The following ZNF664 variants were observed in gnomAD, a reference collection of about 807,000 sequenced individuals.
ZNF664 encodes zinc finger Organ of Corti 1.
In ZNF664, 10 loss-of-function variants were observed where a neutral mutation model predicts 18.2. The ratio of observed to expected loss-of-function variants is 0.55; its 90% confidence interval spans 0.34 to 0.93. ZNF664 has a LOEUF of 0.93. ZNF664 is among the 40% of genes least tolerant of loss of function. The probability of loss-of-function intolerance (pLI) is 0.02; values close to 1 mark genes in which losing one functional copy is unlikely to be tolerated. For synonymous variants in ZNF664, 119 were observed against 104.2 expected (o/e 1.14, Z -0.86); for missense variants, 193 against 319.0 (o/e 0.61, Z 3.01).
intron 3 of ZNF664, among the ~76,000 whole-genome samples, chr12:123,990,636 T>C (rs1227443128): frequency 6.6e-6 from 1 of 152,184 alleles, no homozygotes; most frequent in Non-Finnish European, 1.5e-5. Context: ...GCACTAGAGC[T>C]AACCTGAACT....
rs1957139211 is a variant in ZNF664, at chr12:124,011,911, A to C, written c.-234A>C. The C allele has an allele frequency of 7.6e-7, 1 of 1,322,932 alleles. No homozygotes were observed. The highest frequency in any genetic ancestry group is 3.7e-5 in the Admixed American group (1 of 26,988). 81.9% of individuals were successfully genotyped at this position (1,322,932 alleles called of 1,614,324 possible). ...GAGTTACAGAATTCACGTGGAAGTC[A>C]ATGTCACTTTATAATCGATAATAAT... On this transcript the variant is annotated 5_prime_UTR_variant, in exon 5 of 5. Coordinates refer to ENST00000337815, the MANE Select transcript of ZNF664 (RefSeq NM_152437.3).
chr12:123,986,431 CCT>C (rs1423815990), intron 2 of ZNF664, among the ~76,000 whole-genome samples: 2 of 152,144 alleles, frequency 1.3e-5, no homozygotes, highest in Admixed American at 6.5e-5. Flanking sequence ...GTTTTTCCCT[CCT>C]CTGTATGTCT....
intron 2 of ZNF664, among the ~76,000 whole-genome samples, chr12:123,981,535 C>G (rs1368857894): frequency 6.6e-6 from 1 of 152,198 alleles, no homozygotes; most frequent in African/African-American, 2.4e-5. Flanking sequence ...TCCCCACCAG[C>G]AGGAGAGCTG....
intron 2 of ZNF664, among the ~76,000 whole-genome samples, chr12:123,979,742 G>A (rs986010782): frequency 6.6e-6 from 1 of 152,008 alleles, no homozygotes; most frequent in Admixed American, 6.6e-5. Context: ...GCAGTGGTAC[G>A]GAATGTGGTT....
At chr12:123,974,960 C>T (rs1378819735) in intron 2 of ZNF664, among the ~76,000 whole-genome samples, 1 of 152,122 alleles carries the variant, frequency 6.6e-6, no homozygotes, top group Non-Finnish European at 1.5e-5. Flanking sequence ...TATCGAGATT[C>T]GGCATTTATG....
intron 2 of ZNF664, among the ~76,000 whole-genome samples, chr12:123,986,378 A>G (rs984769794): frequency 1.3e-5 from 2 of 151,948 alleles, no homozygotes; most frequent in African/African-American, 4.8e-5. Context: ...TCACGGCATC[A>G]CTCATTTCTT....
chr12:123,988,051 T>C lies in ZNF664; in HGVS notation c.-748T>C. 8.1e-7 allele frequency: 1 copy of C among 1,231,550 alleles called. No individual in the cohort carries two copies. The highest frequency in any genetic ancestry group is 1.0e-6 in the Non-Finnish European group (1 of 987,810). The allele number at this position is 1,231,550 out of a possible 1,614,324, so 76.3% of individuals were successfully genotyped here. ...GCATTTCTCCCATCCAGCAGGATCC[T>C]AAGGCCTTTGTAGTCCTTCAGCCAC... On this transcript the variant is annotated 5_prime_UTR_variant, in exon 3 of 5. Coordinates refer to ENST00000337815, the MANE Select transcript of ZNF664 (RefSeq NM_152437.3).
intron 2 of ZNF664, chr12:123,974,308 G>A: frequency 3.0e-6 from 1 of 338,368 alleles, no homozygotes; most frequent in East Asian, 4.4e-5. Flanking sequence ...GATTGCTTAC[G>A]GGCTGTCTTA....
At chr12:124,010,674 C>A (rs542994985) in intron 3 of ZNF664, among the ~76,000 whole-genome samples, 4 of 152,170 alleles carry the variant, frequency 2.6e-5, no homozygotes, top group East Asian at 1.9e-4. Flanking sequence ...CAGAGAGCAA[C>A]GCACACAGTT....
chr12:123,991,353 G>A (rs916135479), intron 3 of ZNF664, among the ~76,000 whole-genome samples: 27 of 152,146 alleles, frequency 1.8e-4, no homozygotes, highest in African/African-American at 5.8e-4. Flanking sequence ...TAGTCAAGAA[G>A]GGAAAAGTTA....
rs1271484701 is a variant in ZNF664, at chr12:124,014,875, A to G, written c.*1945A>G. On this transcript the variant is annotated 3_prime_UTR_variant, in exon 5 of 5. Transcript: ENST00000337815. The stretch of plus-strand genomic sequence containing the variant: ...TTTGTCAATATCTGGATTTTAATCC[A>G]GACATCTCTGCTAACAAGCCTTTGG... 1 of 166,968 alleles carries G rather than the reference A, an allele frequency of 6.0e-6. No individual in the cohort carries two copies. Among genetic ancestry groups the G allele is most frequent in the Non-Finnish European group, 1.5e-5 (1 of 68,140 alleles). The allele number at this position is 166,968 out of a possible 1,614,324, so 10.3% of individuals were successfully genotyped here.
chr12:123,979,710 G>T (rs1956738733), intron 2 of ZNF664, among the ~76,000 whole-genome samples: 1 of 152,092 alleles, frequency 6.6e-6, no homozygotes, highest in African/African-American at 2.4e-5. Context: ...ACAGGGTCTT[G>T]CTCTGTTGCC....
chr12:124,002,005 A>G (rs1025029418), intron 3 of ZNF664, among the ~76,000 whole-genome samples: 4 of 152,238 alleles, frequency 2.6e-5, no homozygotes, highest in East Asian at 1.9e-4. Context: ...AATGAGCACA[A>G]TAATTCCAGG....
intron 2 of ZNF664, among the ~76,000 whole-genome samples, chr12:123,982,554 C>A (rs1956778029): frequency 6.6e-6 from 1 of 152,208 alleles, no homozygotes; most frequent in Non-Finnish European, 1.5e-5. Context: ...ATCACAGACC[C>A]AGTCTTTCCA....
intron 2 of ZNF664, among the ~76,000 whole-genome samples, chr12:123,985,694 G>A (rs902625461): frequency 6.6e-6 from 1 of 152,280 alleles, no homozygotes; most frequent in Non-Finnish European, 1.5e-5. Context: ...GCGGCCAGGC[G>A]TACAGTTTAA....
rs887404824 is a variant in ZNF664, at chr12:124,012,681, G to A, written c.537G>A (p.Ala179=). The change falls in exon 5 of 5, where the codon GCG becomes GCA. Residue 179 remains alanine (A), a synonymous_variant. Transcript: ENST00000337815. ...KPYKCYECGK[A]FSQSSSLCIH... ...ATAAATGTTATGAGTGTGGGAAGGCGTTCAGTCAGAGTTCGAGCCTCTGCA... is the reference window on the plus strand; with the variant it reads ...ATAAATGTTATGAGTGTGGGAAGGCATTCAGTCAGAGTTCGAGCCTCTGCA... 8.1e-5 allele frequency: 131 copies of A among 1,613,156 alleles called. No individual in the cohort carries two copies. The highest frequency in any genetic ancestry group is 9.2e-5 in the Non-Finnish European group (109 of 1,179,874).
At chr12:123,975,421 T>C (rs1033551192) in intron 2 of ZNF664, among the ~76,000 whole-genome samples, 14 of 138,692 alleles carry the variant, frequency 1.0e-4, no homozygotes, top group South Asian at 4.6e-4. Context: ...TCCTCTTCAT[T>C]AAAAAAAAAA....
intron 2 of ZNF664, among the ~76,000 whole-genome samples, chr12:123,977,298 T>C (rs1008562814): frequency 2.0e-5 from 3 of 152,008 alleles, no homozygotes; most frequent in Non-Finnish European, 4.4e-5. Flanking sequence ...AGGAGTGAAG[T>C]GAGGCTCTAA....
At chr12:123,990,060 C>G (rs1956871975) in intron 3 of ZNF664, among the ~76,000 whole-genome samples, 1 of 152,144 alleles carries the variant, frequency 6.6e-6, no homozygotes, top group South Asian at 2.1e-4. Flanking sequence ...TAGCCAGACT[C>G]TTGATGTACT....
Sources: gnomAD v4.1 joint callset for allele counts (sites outside exome capture counted in the v4.1 genomes callset) on GRCh38, gnomAD v4.1.1 for gene constraint, MANE v1.5 for transcripts, NCBI Gene and HGNC (gene_info 2026-07-23, HGNC 2026-07-21) for gene names.